NCKAP5: variants seen among roughly 807,000 people sequenced by gnomAD.
NCKAP5 encodes the protein NCK associated protein 5.
In NCKAP5, 92 loss-of-function variants were observed where a neutral mutation model predicts 167.0. The observed-to-expected ratio is 0.55, with a 90% CI of 0.47 to 0.66. The LOEUF (loss-of-function observed/expected upper bound fraction) is 0.66, where lower values mean the gene tolerates loss of function less well. NCKAP5 is among the 30% of genes least tolerant of loss of function. The pLI, the probability that NCKAP5 is intolerant of heterozygous loss-of-function variation, is 0.00. For synonymous variants in NCKAP5, 891 were observed against 877.4 expected, an observed-to-expected ratio of 1.02 and a Z score of -0.27; for missense variants, 2,378 against 2,315.0, an observed-to-expected ratio of 1.03 and a Z score of -0.56.
At chr2:132,988,019 G>C (rs554192716) in intron 7 of NCKAP5, among the ~76,000 whole-genome samples, 8 of 152,282 alleles carry the variant, frequency 5.3e-5, no homozygotes, top group Non-Finnish European at 1.0e-4. Flanking sequence ...TGCTCAGTAA[G>C]TGTTAGATAG....
rs202097123 is a variant in NCKAP5, at chr2:133,513,547, G to A, written c.69+3911C>T. On this transcript the variant is annotated intron_variant, in intron 3 of 19. Coordinates refer to ENST00000409261, the MANE Select transcript of NCKAP5 (RefSeq NM_207363.3). ...GGAAACCATCCAGCACATCCCCATA[G>A]CTGGTTTTCAATAGTGCTTGTTGAC... Among the ~76,000 whole-genome samples, 17 of 152,348 alleles carry A rather than the reference G, an allele frequency of 1.1e-4. No homozygotes were observed. In the East Asian group the frequency reaches 3.1e-3, roughly 28 times the overall value.
At chr2:132,952,877 G>A (rs1361984358) in intron 8 of NCKAP5, among the ~76,000 whole-genome samples, 1 of 152,210 alleles carries the variant, frequency 6.6e-6, no homozygotes. Context: ...GCCACTTGGC[G>A]TGTTTGTTTG....
intron 6 of NCKAP5, among the ~76,000 whole-genome samples, chr2:133,077,656 C>G (rs1336419954): frequency 6.6e-6 from 1 of 152,164 alleles, no homozygotes. Flanking sequence ...GTGTAGAAAA[C>G]ACAAGGGGAC....
At chr2:133,656,928 A>G in the NCKAP5 span, among the ~76,000 whole-genome samples, 1 of 148,746 alleles carries the variant, frequency 6.7e-6, no homozygotes, top group Non-Finnish European at 1.5e-5. Context: ...TCCCCCTCCC[A>G]CCCTTTCCCC....
intron 18 of NCKAP5, among the ~76,000 whole-genome samples, 162 bp from the exon 19 acceptor site, chr2:132,725,921 G>A (rs1210027668): frequency 6.6e-6 from 1 of 152,172 alleles, no homozygotes; most frequent in African/African-American, 2.4e-5. Flanking sequence ...ACTCTGGTTT[G>A]CCGGTTTTTC....
At chr2:133,155,812 T>C (rs142116245) in intron 5 of NCKAP5, among the ~76,000 whole-genome samples, 17 of 152,322 alleles carry the variant, frequency 1.1e-4, no homozygotes, top group East Asian at 9.7e-4. Flanking sequence ...AACTCTTCCC[T>C]GGTTCTCTGG....
the NCKAP5 span, among the ~76,000 whole-genome samples, chr2:133,614,738 C>T: frequency 2.0e-5 from 3 of 152,024 alleles, no homozygotes; most frequent in African/African-American, 7.2e-5. Flanking sequence ...GGATATTATC[C>T]AGGAGAACTT....
intron 2 of NCKAP5, among the ~76,000 whole-genome samples, chr2:133,528,610 G>T (rs966080166): frequency 6.6e-6 from 1 of 152,162 alleles, no homozygotes; most frequent in Non-Finnish European, 1.5e-5. Context: ...TGTAATAGCG[G>T]AATTCCAAGC....
At chr2:132,880,050 A>C (rs1390437040) in intron 8 of NCKAP5, among the ~76,000 whole-genome samples, 1 of 152,246 alleles carries the variant, frequency 6.6e-6, no homozygotes, top group Non-Finnish European at 1.5e-5. Flanking sequence ...TATGCACACA[A>C]AGACAAATAT....
intron 5 of NCKAP5, among the ~76,000 whole-genome samples, chr2:133,188,718 G>C (rs1018078667): frequency 2.6e-5 from 4 of 152,086 alleles, no homozygotes; most frequent in Admixed American, 6.6e-5. Flanking sequence ...CAGAAATAAA[G>C]GTGTTCTTTG....
chr2:132,702,329 A>G (rs1472984854), intron 19 of NCKAP5, among the ~76,000 whole-genome samples: 10 of 152,184 alleles, frequency 6.6e-5, no homozygotes. Context: ...CCAATGACCC[A>G]GAAATTTAAG....
chr2:133,138,174 G>T (rs367629599), intron 5 of NCKAP5, among the ~76,000 whole-genome samples: 13 of 152,106 alleles, frequency 8.5e-5, no homozygotes, highest in African/African-American at 2.9e-4. Context: ...AGGAGAAAAA[G>T]AAGGGGGGGT....
chr2:132,874,787 T>C (rs1691138153), intron 9 of NCKAP5, among the ~76,000 whole-genome samples: 2 of 152,098 alleles, frequency 1.3e-5, no homozygotes, highest in South Asian at 2.1e-4. Flanking sequence ...TGCATACTGA[T>C]TGGGAAGGTC....
At chr2:133,522,431 G>A (rs1238446755) in intron 2 of NCKAP5, among the ~76,000 whole-genome samples, 1 of 152,154 alleles carries the variant, frequency 6.6e-6, no homozygotes, top group Admixed American at 6.5e-5. Flanking sequence ...AAGGCAGCAA[G>A]CCTTCCTTGG....
At chr2:133,285,149 T>G (rs2090061148) in intron 4 of NCKAP5, among the ~76,000 whole-genome samples, 1 of 152,184 alleles carries the variant, frequency 6.6e-6, no homozygotes, top group Admixed American at 6.5e-5. Context: ...CTTTTTGCCT[T>G]TCACCCAATC....
At chr2:133,375,086 T>C (rs1431843742) in intron 3 of NCKAP5, among the ~76,000 whole-genome samples, 1 of 152,180 alleles carries the variant, frequency 6.6e-6, no homozygotes, top group Non-Finnish European at 1.5e-5. Context: ...GCAGTGCTTA[T>C]CTGGTAACGG....
intron 3 of NCKAP5, among the ~76,000 whole-genome samples, chr2:133,409,622 G>GCCCAAGCTTTTGGAGC (rs59473027): frequency 2.0e-5 from 3 of 152,170 alleles, no homozygotes; most frequent in Non-Finnish European, 4.4e-5. Context: ...GGCTTTTGGA[G>GCCCAAGCTTTTGGAGC]CCAAGGTTAG....
At chr2:133,297,800 A>G (rs1680073875) in intron 4 of NCKAP5, among the ~76,000 whole-genome samples, 1 of 152,212 alleles carries the variant, frequency 6.6e-6, no homozygotes, top group Non-Finnish European at 1.5e-5. Flanking sequence ...TAGCTCCAGT[A>G]TAAATGGAAG....
At chr2:133,317,191 G>A (rs938411803) in intron 3 of NCKAP5, among the ~76,000 whole-genome samples, 1 of 152,026 alleles carries the variant, frequency 6.6e-6, no homozygotes, top group African/African-American at 2.4e-5. Context: ...CATTCTGGAA[G>A]TCAGAAAGAA....
Sources: allele counts gnomAD v4.1 joint callset (sites outside exome capture counted in the v4.1 genomes callset), GRCh38; gene constraint gnomAD v4.1.1; transcripts MANE v1.5; gene names NCBI Gene and HGNC (gene_info 2026-07-23, HGNC 2026-07-21).